Variants in POLD3 observed in about 807,000 individuals in gnomAD.
POLD3 encodes the protein DNA polymerase delta 3, accessory subunit.
POLD3 carries 19 observed loss-of-function variants against 58.2 expected under a neutral mutation model. The observed-to-expected ratio is 0.33, with a 90% confidence interval of 0.23 to 0.48. The LOEUF (loss-of-function observed/expected upper bound fraction) is 0.48, where lower values mean the gene tolerates loss of function less well. Among genes scored for constraint, POLD3 ranks in the 20% least tolerant of loss-of-function variants. POLD3 has a pLI of 0.99. For missense variants in POLD3, 504 were observed against 545.5 expected (o/e 0.92, Z 0.76); for synonymous variants, 172 against 193.5 (o/e 0.89, Z 0.92).
chr11:74,652,847 G>T, intron 4 of POLD3: 1 of 170,756 alleles, frequency 5.9e-6, no homozygotes, highest in Non-Finnish European at 1.3e-5. Flanking sequence ...CATGGACCCA[G>T]CTTTGGCAGC....
chr11:74,668,372 G>C (rs1323928909), intron 4 of POLD3, among the ~76,000 whole-genome samples: 1 of 152,120 alleles, frequency 6.6e-6, no homozygotes, highest in Non-Finnish European at 1.5e-5. Flanking sequence ...TATATCATTA[G>C]AGTGGAATAC....
At chr11:74,639,558 G>A (rs181535934) in intron 11 of POLD3, among the ~76,000 whole-genome samples, 50 of 152,360 alleles carry the variant, frequency 3.3e-4, no homozygotes, top group Non-Finnish European at 6.5e-4. Flanking sequence ...AATTTAGATA[G>A]CATTGGTTAT....
chr11:74,602,086 A>C (rs556914910), intron 2 of POLD3, among the ~76,000 whole-genome samples: 2 of 152,228 alleles, frequency 1.3e-5, no homozygotes, highest in East Asian at 3.9e-4. Flanking sequence ...GAAGCTACTG[A>C]AAGCTTTGTT....
At position 74,648,593 on chromosome 11, in the gene POLD3, T is replaced by C. The variant is rs2033030467; in HGVS notation, c.369+12318T>C. 2.6e-5 allele frequency among the ~76,000 whole-genome samples: 4 copies of C among 152,098 alleles called. No individual in the cohort carries two copies. The South Asian group carries it at 8.3e-4, about 32-fold the overall frequency. On this transcript the variant is annotated intron_variant, in intron 4 of 4. Coordinates refer to the POLD3 transcript ENST00000524752. The stretch of plus-strand genomic sequence containing the variant: ...CATACCAGGCAGAAGGAACAGGACA[T>C]ACAAAGGCATGGACACACAAGAAAG...
At chr11:74,666,959 T>TA (rs34863947) in intron 4 of POLD3, among the ~76,000 whole-genome samples, 1,803 of 137,364 alleles carry the variant, frequency 0.013, 27 homozygotes, top group African/African-American at 0.041. Flanking sequence ...TTAAAGTTGC[T>TA]AAAAAAAAAA....
At position 74,613,139 on chromosome 11, in the gene POLD3, G is replaced by A. The variant is rs892127391; in HGVS notation, c.392+129G>A. ...CCATTTATCTTGCAGTAAGAAACAT[G>A]CCTGGTTTTATTAGTACATCATAAG... On this transcript the variant is annotated intron_variant, in intron 5 of 11. Transcript: ENST00000263681. The A allele has an allele frequency of 4.8e-6, 4 of 826,590 alleles. No individual in the cohort carries two copies. In the Admixed American group the frequency reaches 7.6e-5, roughly 16 times the overall value. 51.2% of individuals were successfully genotyped at this position (826,590 alleles called of 1,614,324 possible). A position where few individuals can be genotyped will look rare whatever the true frequency, so the allele number is the denominator to read the frequency against.
At chr11:74,636,392 C>A in intron 11 of POLD3, 117 bp downstream of exon 11, 2 of 879,292 alleles carry the variant, frequency 2.3e-6, no homozygotes, top group Non-Finnish European at 3.6e-6. Flanking sequence ...GAATCATGCC[C>A]AAGTGGTACT....
At chr11:74,621,859 T>TTATG (rs2032270619) in intron 7 of POLD3, among the ~76,000 whole-genome samples, 1 of 151,152 alleles carries the variant, frequency 6.6e-6, no homozygotes, top group Non-Finnish European at 1.5e-5. Context: ...TTTTATTTAT[T>TTATG]TATTTATTTA....
At chr11:74,645,318 T>A (rs1371330775), downstream of POLD3, among the ~76,000 whole-genome samples, 1 of 152,252 alleles carries the variant, frequency 6.6e-6, no homozygotes, top group African/African-American at 2.4e-5. Context: ...GAATCTTTAA[T>A]TAATGGAGTT....
chr11:74,632,391 A>G (rs895736740), intron 9 of POLD3, among the ~76,000 whole-genome samples: 1 of 152,202 alleles, frequency 6.6e-6, no homozygotes, highest in Non-Finnish European at 1.5e-5. Context: ...TCTGTTTAAA[A>G]TACACCAGTG....
downstream of POLD3, among the ~76,000 whole-genome samples, chr11:74,644,172 G>A (rs1323453258): frequency 6.6e-6 from 1 of 152,178 alleles, no homozygotes; most frequent in Non-Finnish European, 1.5e-5. Flanking sequence ...TTATTATACA[G>A]GAGAGGGCTG....
chr11:74,669,307 G>T (rs1424220259), downstream of POLD3, among the ~76,000 whole-genome samples: 1 of 152,246 alleles, frequency 6.6e-6, no homozygotes, highest in Non-Finnish European at 1.5e-5. Context: ...AGTGGGAGAT[G>T]CAGGAGGCCA....
chr11:74,623,854 C>T (rs930027025), intron 7 of POLD3, among the ~76,000 whole-genome samples: 3 of 152,144 alleles, frequency 2.0e-5, no homozygotes, highest in Non-Finnish European at 4.4e-5. Flanking sequence ...CATTAAACTA[C>T]CTCTTTACCA....
rs1361364339 is a variant in POLD3, at chr11:74,640,774, T to C, written c.*8T>C. ...TTCTTCCAGAGGAAATAAACTGCCA[T>C]CTCTGGTAGATCAGAGACTTGGAGT... On this transcript the variant is annotated 3_prime_UTR_variant, in exon 12 of 12. Transcript: ENST00000263681. 6.4e-7 allele frequency: 1 copy of C among 1,573,820 alleles called. No homozygotes were observed. The highest frequency in any genetic ancestry group is 8.6e-7 in the Non-Finnish European group (1 of 1,164,210).
downstream of POLD3, among the ~76,000 whole-genome samples, chr11:74,648,038 A>C (rs1323604384): frequency 1.3e-5 from 2 of 152,240 alleles, no homozygotes; most frequent in Non-Finnish European, 2.9e-5. Flanking sequence ...CAAAGGTGAG[A>C]CATGTCTCTG....
chr11:74,645,249 G>A (rs1417331211), downstream of POLD3, among the ~76,000 whole-genome samples: 2 of 152,194 alleles, frequency 1.3e-5, no homozygotes, highest in East Asian at 3.8e-4. Flanking sequence ...GTGTTATTCA[G>A]CTATTTGAAC....
intron 2 of POLD3, among the ~76,000 whole-genome samples, chr11:74,594,852 C>T (rs964710916): frequency 4.6e-5 from 7 of 152,276 alleles, no homozygotes; most frequent in Middle Eastern, 3.4e-3. Flanking sequence ...CGTCAGATTT[C>T]GTGAGAACTC....
chr11:74,614,484 G>A (rs1245980156), intron 5 of POLD3, among the ~76,000 whole-genome samples: 5 of 152,204 alleles, frequency 3.3e-5, no homozygotes, highest in Admixed American at 3.3e-4. Context: ...GCCGAGGCAG[G>A]TGGATCACGA....
chr11:74,667,578 ATTTT>A (rs1203397704), intron 4 of POLD3, among the ~76,000 whole-genome samples: 70 of 152,060 alleles, frequency 4.6e-4, no homozygotes, highest in African/African-American at 1.1e-3. Context: ...CAATTTAAAA[ATTTT>A]AAATAAAATT....
Sources: gnomAD v4.1 joint callset for allele counts (sites outside exome capture counted in the v4.1 genomes callset) on GRCh38, gnomAD v4.1.1 for gene constraint, MANE v1.5 for transcripts, NCBI Gene and HGNC (gene_info 2026-07-23, HGNC 2026-07-21) for gene names.